Variants in HEATR4 observed in about 807,000 individuals in gnomAD.
The protein encoded by HEATR4 is HEAT repeat containing 4.
Under a neutral mutation model 108.8 loss-of-function variants are expected in HEATR4, and 95 were observed. The observed-to-expected ratio is 0.87, with a 90% CI of 0.74 to 1.04. The LOEUF is 1.04. HEATR4 is among the 50% of genes least tolerant of loss of function. HEATR4 has a pLI of 0.00. For missense variants in HEATR4, 1,152 were observed against 1,253.8 expected, an observed-to-expected ratio of 0.92 and a Z score of 1.23; for synonymous variants, 443 against 459.4, an observed-to-expected ratio of 0.96 and a Z score of 0.46.
chr14:73,626,380 G>A, the HEATR4 span, among the ~76,000 whole-genome samples: 2 of 152,174 alleles, frequency 1.3e-5, no homozygotes, highest in Non-Finnish European at 2.9e-5. Flanking sequence ...CTGTAGGGTG[G>A]ACAAGCTTAA....
intron 13 of HEATR4, 117 bp downstream of exon 13, chr14:73,498,954 C>T: frequency 1.2e-6 from 1 of 851,328 alleles, no homozygotes. Flanking sequence ...TTCTGAAAAG[C>T]TAAGATCATT....
chr14:73,631,423 A>T, the HEATR4 span: 2 of 152,526 alleles, frequency 1.3e-5, no homozygotes, highest in African/African-American at 4.8e-5. Context: ...TAGCTAGGAC[A>T]ACAGGCATGA....
chr14:73,607,200 C>T, the HEATR4 span, among the ~76,000 whole-genome samples: 9 of 152,294 alleles, frequency 5.9e-5, no homozygotes, highest in East Asian at 1.2e-3. Flanking sequence ...ATCCCAGCTA[C>T]TCGGGAGGCT....
the HEATR4 span, among the ~76,000 whole-genome samples, chr14:73,622,173 A>G: frequency 1.3e-5 from 2 of 152,154 alleles, no homozygotes; most frequent in East Asian, 3.9e-4. Flanking sequence ...CACAGGAGGA[A>G]GATATGAGGA....
chr14:73,520,925 A>C lies in HEATR4; in HGVS notation c.996T>G (p.Phe332Leu). 6.2e-7 allele frequency: 1 copy of C among 1,614,022 alleles called. No individual in the cohort carries two copies. The highest frequency in any genetic ancestry group is 8.5e-7 in the Non-Finnish European group (1 of 1,180,024). The change falls in exon 4 of 18, where the codon TTT becomes TTG. Residue 332 changes from phenylalanine (F) to leucine (L), a missense_variant. Transcript: ENST00000553558. ...SLSQPQTQSY[F>L]RQVTPRAGKF... ...TTCCAGCTCGGGGAGTCACCTGGCG[A>C]AAGTAGCTCTGGGTTTGGGGCTGGG... is the stretch of plus-strand genomic sequence containing the variant.
At position 73,549,369 on chromosome 14, in the gene HEATR4, C is replaced by G. The variant is rs1250350918; in HGVS notation, c.-152+9382G>C. ...CATCTTGTTGGGAGGAATTAACAATCATGCATCGAGCCCTGGGCCTCAGGC... is the reference window on the plus strand; with the variant it reads ...CATCTTGTTGGGAGGAATTAACAATGATGCATCGAGCCCTGGGCCTCAGGC... On this transcript the variant is annotated intron_variant, in intron 1 of 17. Transcript: ENST00000553558. Among the ~76,000 whole-genome samples, 6 of 118,942 alleles carry G rather than the reference C, an allele frequency of 5.0e-5. 1 individual carries two copies. The highest frequency in any genetic ancestry group is 1.4e-4 in the African/African-American group (5 of 36,406). The allele number at this position is 118,942 out of a possible 152,430, so 78.0% of individuals were successfully genotyped here. A position where few individuals can be genotyped will look rare whatever the true frequency, so the allele number is the denominator to read the frequency against.
At chr14:73,582,944 A>C in the HEATR4 span, 1 of 152,070 alleles carries the variant, frequency 6.6e-6, no homozygotes, top group Non-Finnish European at 1.5e-5. Flanking sequence ...TGTCTCATTT[A>C]AATTCTTTTA....
chr14:73,619,720 T>C, the HEATR4 span: 2 of 1,614,176 alleles, frequency 1.2e-6, no homozygotes, highest in East Asian at 2.2e-5. Flanking sequence ...TGAGGCAATA[T>C]TCTATGGAGG....
intron 1 of HEATR4, among the ~76,000 whole-genome samples, chr14:73,550,887 C>T (rs1307859912): frequency 8.7e-6 from 1 of 114,830 alleles, no homozygotes; most frequent in Non-Finnish European, 1.9e-5. Context: ...TTTTGCTGGG[C>T]GCGGTGGCAT....
chr14:73,484,433 C>T (rs1482208772), intron 17 of HEATR4, among the ~76,000 whole-genome samples: 2 of 152,010 alleles, frequency 1.3e-5, no homozygotes, highest in Non-Finnish European at 1.5e-5. Context: ...GGCTGGAGTG[C>T]AGTGGCGCGA....
chr14:73,619,941 T>C, the HEATR4 span: 18 of 1,271,310 alleles, frequency 1.4e-5, no homozygotes, highest in Non-Finnish European at 1.6e-5. Flanking sequence ...TTTTCCTGTA[T>C]CACTCTGTCA....
At chr14:73,506,679 G>T in intron 9 of HEATR4, 108 bp from the exon 10 acceptor site, 1 of 760,914 alleles carries the variant, frequency 1.3e-6, no homozygotes, top group Non-Finnish European at 2.2e-6. Flanking sequence ...GTCACCAGTG[G>T]GCTTACAAGA....
At chr14:73,577,591 A>G in the HEATR4 span, among the ~76,000 whole-genome samples, 2 of 150,768 alleles carry the variant, frequency 1.3e-5, no homozygotes, top group African/African-American at 4.9e-5. Context: ...CTCTCTTAGA[A>G]AAGTGCAATA....
At chr14:73,589,114 C>T in the HEATR4 span, among the ~76,000 whole-genome samples, 2 of 151,570 alleles carry the variant, frequency 1.3e-5, no homozygotes, top group East Asian at 3.9e-4. Context: ...CTCTAGTTTG[C>T]TTTAGGGTTC....
At chr14:73,500,447 T>C (rs966105481) in intron 12 of HEATR4, 103 bp downstream of exon 12, 3 of 1,268,888 alleles carry the variant, frequency 2.4e-6, no homozygotes, top group Admixed American at 2.0e-5. Context: ...CAATCTCTCA[T>C]TCTGTGTCCC....
In HEATR4 at chr14:73,492,615, G is replaced by A; in HGVS notation, c.2844+451C>T. 1 of 1,613,938 alleles carries A rather than the reference G, an allele frequency of 6.2e-7. No homozygotes were observed. The highest frequency in any genetic ancestry group is 8.5e-7 in the Non-Finnish European group (1 of 1,179,876). On this transcript the variant is annotated intron_variant, in intron 17 of 17. Transcript: ENST00000553558. The surrounding 1 kb of genome is among the most constrained non-coding windows in gnomAD (Gnocchi z 4.9). Reference sequence around the variant, plus strand: ...GGGCTTCCAATTCGCTGGGAGGCTGGAGAACCTGTAAACGTGGGGGCCCAG... The same window carrying A: ...GGGCTTCCAATTCGCTGGGAGGCTGAAGAACCTGTAAACGTGGGGGCCCAG...
chr14:73,588,272 T>C, the HEATR4 span, among the ~76,000 whole-genome samples: 1 of 152,166 alleles, frequency 6.6e-6, no homozygotes, highest in South Asian at 2.1e-4. Context: ...GGTGCTGGGA[T>C]TACAGGCATG....
intron 1 of HEATR4, among the ~76,000 whole-genome samples, chr14:73,550,818 C>T (rs1295832697): frequency 8.6e-6 from 1 of 115,890 alleles, no homozygotes; most frequent in Non-Finnish European, 1.9e-5. Flanking sequence ...GCCAAAGAAA[C>T]TGCTGATGCC....
chr14:73,515,450 C>A (rs948047573), intron 5 of HEATR4, among the ~76,000 whole-genome samples: 1 of 151,758 alleles, frequency 6.6e-6, no homozygotes, highest in East Asian at 1.9e-4. Flanking sequence ...GAGGCCAAAG[C>A]GGGTGGATCA....
Sources: gnomAD v4.1 joint callset for allele counts (sites outside exome capture counted in the v4.1 genomes callset) on GRCh38, gnomAD v4.1.1 for gene constraint, Gnocchi (gnomAD v3.1) non-coding constraint, MANE v1.5 for transcripts, NCBI Gene and HGNC (gene_info 2026-07-23, HGNC 2026-07-21) for gene names.